The following CSMD1 variants were observed in gnomAD, a reference collection of about 807,000 sequenced individuals.
The protein encoded by CSMD1 is CUB and sushi domain-containing protein 1.
CSMD1 carries 213 observed loss-of-function variants against 417.5 expected under a neutral mutation model. That is an observed-to-expected ratio of 0.51 (90% confidence interval 0.46 to 0.57). The LOEUF is 0.57. CSMD1 is among the 20% of genes least tolerant of loss of function. The pLI, the probability that CSMD1 is intolerant of heterozygous loss-of-function variation, is 0.00. For missense variants in CSMD1, 6,923 were observed against 4,529.7 expected, an observed-to-expected ratio of 1.53 and a Z score of -15.17; for synonymous variants, 2,862 against 1,736.8, an observed-to-expected ratio of 1.65 and a Z score of -16.11.
At chr8:4,115,474 C>T (rs574317476) in intron 3 of CSMD1, among the ~76,000 whole-genome samples, 1 of 152,040 alleles carries the variant, frequency 6.6e-6, no homozygotes, top group South Asian at 2.1e-4. Context: ...ATATATAATG[C>T]TTTAGACGTA....
chr8:3,669,375 G>C (rs763873311), intron 7 of CSMD1, among the ~76,000 whole-genome samples: 4 of 152,134 alleles, frequency 2.6e-5, no homozygotes, highest in South Asian at 2.1e-4. Context: ...GAGGGTCCAA[G>C]GCCTTGAGCT....
chr8:4,725,737 G>C (rs1285432098), intron 1 of CSMD1, among the ~76,000 whole-genome samples: 1 of 152,146 alleles, frequency 6.6e-6, no homozygotes, highest in African/African-American at 2.4e-5. Flanking sequence ...GAAACAATTT[G>C]CTGTGCTTAT....
At chr8:4,820,028 T>C (rs990664476) in intron 1 of CSMD1, among the ~76,000 whole-genome samples, 7 of 152,116 alleles carry the variant, frequency 4.6e-5, no homozygotes, top group Admixed American at 6.6e-5. Flanking sequence ...GGTCTCCAAT[T>C]CCATGCTTCT....
chr8:3,512,767 C>G (rs769064126), intron 10 of CSMD1, among the ~76,000 whole-genome samples: 2 of 151,896 alleles, frequency 1.3e-5, no homozygotes, highest in Non-Finnish European at 2.9e-5. Flanking sequence ...TGCCACCACA[C>G]GCAGGTTTTT....
intron 52 of CSMD1, 99 bp downstream of exon 52, chr8:3,018,378 T>G (rs2128968384): frequency 2.7e-6 from 3 of 1,102,406 alleles, no homozygotes; most frequent in South Asian, 3.6e-5. Context: ...CAGGTAGGAT[T>G]TAAGGCATTA....
chr8:3,613,031 T>TA (rs1801966073), intron 8 of CSMD1, among the ~76,000 whole-genome samples: 1 of 152,038 alleles, frequency 6.6e-6, no homozygotes, highest in Non-Finnish European at 1.5e-5. Flanking sequence ...GACATGTTAA[T>TA]AGGCAGATGG....
intron 5 of CSMD1, among the ~76,000 whole-genome samples, chr8:3,850,620 G>A (rs556638104): frequency 6.6e-6 from 1 of 152,106 alleles, no homozygotes; most frequent in Non-Finnish European, 1.5e-5. Context: ...ACTTGAACCT[G>A]GGGGGCGGAG....
rs145150476 is a variant in CSMD1, at chr8:3,090,827, G to A, written c.7285+689C>T. On this transcript the variant is annotated intron_variant, in intron 48 of 69. Transcript: ENST00000635120. Reference sequence around the variant, plus strand: ...AATTAAGAGTCTGCCTACTGCTTCTGTAGGAAAGTTTAAAGAATAGTGTGG... The same window carrying A: ...AATTAAGAGTCTGCCTACTGCTTCTATAGGAAAGTTTAAAGAATAGTGTGG... Among the ~76,000 whole-genome samples, 870 of 152,166 alleles carry A rather than the reference G, an allele frequency of 5.7e-3. 6 individuals carry two copies. The highest frequency in any genetic ancestry group is 0.02 in the African/African-American group (823 of 41,452).
chr8:3,439,671 T>C (rs1388443813), intron 12 of CSMD1, among the ~76,000 whole-genome samples: 1 of 152,296 alleles, frequency 6.6e-6, no homozygotes, highest in East Asian at 1.9e-4. Context: ...TAATCAATTA[T>C]TTGGTAAATA....
chr8:4,152,142 T>C (rs114846560), intron 3 of CSMD1, among the ~76,000 whole-genome samples: 4,713 of 152,258 alleles, frequency 0.031, 257 homozygotes, highest in African/African-American at 0.11. Context: ...TCAACGATAA[T>C]TGTTTGAAAT....
intron 6 of CSMD1, among the ~76,000 whole-genome samples, chr8:3,728,445 A>G (rs13277081): frequency 0.19 from 28,805 of 152,176 alleles, 3,233 homozygotes; most frequent in South Asian, 0.37. Context: ...CGTTGTGAAG[A>G]TGGTAAATTC....
rs544430666 is a variant in CSMD1 at position 3,406,084 on chromosome 8, T to A, written c.2209A>T (p.Thr737Ser). The change falls in exon 15 of 70, where the codon ACC becomes TCC. Residue 737 changes from threonine (T) to serine (S), a missense_variant. Thr to Ser is a moderately conservative substitution (Grantham distance 58, BLOSUM62 1). Transcript: ENST00000635120. ...FVKTQGSESI[T>S]CILQDGNVVW... is the part of the protein sequence containing the mutation. Reference sequence around the variant, plus strand: ...ACGTTCCCGTCTTGCAGTATGCAGGTAATGGACTCGGATCCCTGGGTCTTG... The same window carrying A: ...ACGTTCCCGTCTTGCAGTATGCAGGAAATGGACTCGGATCCCTGGGTCTTG... 6.2e-7 allele frequency: 1 copy of A among 1,613,960 alleles called. No homozygotes were observed. The highest frequency in any genetic ancestry group is 1.3e-5 in the African/African-American group (1 of 75,036).
At chr8:4,253,085 A>T (rs566361399) in intron 3 of CSMD1, among the ~76,000 whole-genome samples, 1 of 152,368 alleles carries the variant, frequency 6.6e-6, no homozygotes, top group East Asian at 1.9e-4. Flanking sequence ...GAGGAAAAAG[A>T]TTCTGGCAAA....
Position 4,659,645 on chromosome 8 carries a change from C to T in CSMD1, c.86-22087G>A, listed in dbSNP as rs528904488. On this transcript the variant is annotated intron_variant, in intron 1 of 69. Transcript: ENST00000635120. ...GCCAGAGTCTAGGCCATTTCCAAGGCGACAGGGGAGTGACTGTTTAATGAG... is the reference window on the plus strand; with the variant it reads ...GCCAGAGTCTAGGCCATTTCCAAGGTGACAGGGGAGTGACTGTTTAATGAG... 1.2e-4 allele frequency among the ~76,000 whole-genome samples: 19 copies of T among 152,134 alleles called. No homozygotes were observed. In the South Asian group the frequency reaches 3.1e-3, roughly 25 times the overall value.
chr8:4,574,212 G>A (rs1466564527), intron 2 of CSMD1, among the ~76,000 whole-genome samples: 2 of 152,148 alleles, frequency 1.3e-5, no homozygotes, highest in South Asian at 4.1e-4. Context: ...TGTCTGAACA[G>A]CTGCCGAGTT....
At chr8:4,741,349 C>G (rs1810593810) in intron 1 of CSMD1, among the ~76,000 whole-genome samples, 1 of 152,316 alleles carries the variant, frequency 6.6e-6, no homozygotes, top group Admixed American at 6.5e-5. Context: ...ACTATGTCTA[C>G]ATTATTCTAA....
chr8:3,767,371 T>A (rs1798332342), intron 5 of CSMD1, among the ~76,000 whole-genome samples: 1 of 152,244 alleles, frequency 6.6e-6, no homozygotes, highest in Admixed American at 6.5e-5. Context: ...CTTTCCCATG[T>A]GGGTGACCTC....
At chr8:3,594,851 C>T (rs561410267) in intron 8 of CSMD1, among the ~76,000 whole-genome samples, 64 of 152,276 alleles carry the variant, frequency 4.2e-4, no homozygotes, top group Admixed American at 1.8e-3. Flanking sequence ...CAGCTTCCAG[C>T]ACTGCTCATG....
chr8:4,130,025 T>C (rs1426430936), intron 3 of CSMD1, among the ~76,000 whole-genome samples: 1 of 152,136 alleles, frequency 6.6e-6, no homozygotes, highest in Non-Finnish European at 1.5e-5. Context: ...GTCAGAAGAT[T>C]TTTATGGCAG....
Sources: gnomAD v4.1 joint callset for allele counts (sites outside exome capture counted in the v4.1 genomes callset) on GRCh38, gnomAD v4.1.1 for gene constraint, MANE v1.5 for transcripts, NCBI Gene and HGNC (gene_info 2026-07-23, HGNC 2026-07-21) for gene names.